TRIOBP: variants seen among roughly 807,000 people sequenced by gnomAD.
TRIOBP encodes the protein TRIO and F-actin-binding protein.
Under a neutral mutation model 238.8 loss-of-function variants are expected in TRIOBP, and 169 were observed. The observed-to-expected ratio is 0.71, with a 90% CI of 0.62 to 0.80. TRIOBP has a LOEUF of 0.80. Ranked by LOEUF, TRIOBP falls within the 30% of genes least tolerant of loss-of-function variation. TRIOBP has a pLI of 0.00. For missense variants in TRIOBP, 2,838 were observed against 3,122.6 expected (o/e 0.91, Z 2.17); for synonymous variants, 1,150 against 1,274.4 (o/e 0.90, Z 2.08).
rs773705031 is a variant in TRIOBP, at chr22:37,757,654, G to A, written c.5729G>A (p.Ser1910Asn). 6.3e-7 allele frequency: 1 copy of A among 1,590,576 alleles called. No individual in the cohort carries two copies. Among genetic ancestry groups the A allele is most frequent in the Non-Finnish European group, 8.5e-7 (1 of 1,170,100 alleles). ...AAGGAGAACGCGCTGCACAGCTACA[G>A]CACCCAGAAGGGCCCCCTGAAGGCA... is the stretch of plus-strand genomic sequence containing the variant. The part of the protein sequence containing the change: ...SNKENALHSY[S>N]TQKGPLKAGE... Residue 1910 changes from serine to asparagine, a missense_variant, in exon 16 of 24, where the codon AGC (serine) becomes AAC (asparagine). Around this residue, in one of 5 missense-constraint regions of TRIOBP, gnomAD observed 2,096 missense variants for 2,137.4 expected, o/e 0.98. Transcript: ENST00000644935.
chr22:37,728,849 T>C (rs894130550), intron 7 of TRIOBP, among the ~76,000 whole-genome samples: 1 of 152,206 alleles, frequency 6.6e-6, no homozygotes, highest in South Asian at 2.1e-4. Context: ...CTTGAATGAA[T>C]GTATGACAAG....
At chr22:37,767,952 G>C (rs1234613023) in intron 18 of TRIOBP, 122 bp from the exon 19 acceptor site, 1 of 786,174 alleles carries the variant, frequency 1.3e-6, no homozygotes, top group African/African-American at 1.7e-5. Context: ...CATAGTACTT[G>C]CATAGTACTA....
rs150218786 is a variant in TRIOBP, at chr22:37,722,307, A to T, written c.629-878A>T. 9.5e-3 allele frequency among the ~76,000 whole-genome samples: 1,445 copies of T among 152,232 alleles called. 22 individuals carry two copies. Among genetic ancestry groups the T allele is most frequent in the African/African-American group, 0.033 (1,390 of 41,516 alleles). ...GCTGGGCATAGTGGTGCATGCCTGT[A>T]ATCCCAACTACTTGGGAGGCTGAGG... On this transcript the variant is annotated intron_variant, in intron 6 of 23. Coordinates refer to ENST00000644935, the MANE Select transcript of TRIOBP (RefSeq NM_001039141.3).
In TRIOBP at chr22:37,757,806, A is replaced by T; in HGVS notation, c.5881A>T (p.Thr1961Ser). The stretch of plus-strand genomic sequence containing the variant: ...CCAGGCTTCCCCGCAGCGGGCCCGC[A>T]CCCCAGCCCGCACTCCTGACCGCCT... ...LTQASPQRARTPARTPDRLAK... is the reference protein window; with the variant it reads ...LTQASPQRARSPARTPDRLAK... The change falls in exon 16 of 24, where the codon ACC becomes TCC. Residue 1961 changes from threonine to serine, a missense_variant. Transcript: ENST00000644935. 6.5e-7 allele frequency: 1 copy of T among 1,547,068 alleles called. No homozygotes were observed.
intron 3 of TRIOBP, among the ~76,000 whole-genome samples, chr22:37,709,287 G>A (rs542794736): frequency 1.3e-5 from 2 of 152,206 alleles, no homozygotes; most frequent in African/African-American, 4.8e-5. Context: ...AGGGTCCCCA[G>A]GGATCCCAGG....
At position 37,768,214 on chromosome 22, in the gene TRIOBP, G is replaced by A; in HGVS notation, c.6575+38G>A. 4 of 1,553,664 alleles carry A rather than the reference G, an allele frequency of 2.6e-6. 1 individual carries two copies. The South Asian group carries it at 4.6e-5, about 18-fold the overall frequency. ...CGGGGCCCAACTGCCCACCCTGATG[G>A]TTATGGGTTGAGGAACTTTGCTGAG... On this transcript the variant is annotated intron_variant, in intron 19 of 23. Coordinates refer to ENST00000644935, the MANE Select transcript of TRIOBP (RefSeq NM_001039141.3).
At chr22:37,746,315 C>A (rs1925258327) in intron 11 of TRIOBP, 2 of 1,005,312 alleles carry the variant, frequency 2.0e-6, no homozygotes, top group East Asian at 6.3e-5. Context: ...CCGAGAGGGG[C>A]GGCGGCGGCG....
chr22:37,769,212 G>A, intron 20 of TRIOBP, 25 bp downstream of exon 20: 1 of 1,591,998 alleles, frequency 6.3e-7, no homozygotes, highest in Non-Finnish European at 8.6e-7. Context: ...AGGTTGGGGG[G>A]ACACGGGTGG....
chr22:37,738,781 T>C (rs1924805113), intron 10 of TRIOBP, 62 bp downstream of exon 10: 2 of 1,543,788 alleles, frequency 1.3e-6, no homozygotes, highest in Non-Finnish European at 1.8e-6. Flanking sequence ...AGGTTGGAGA[T>C]GGGCTTCATT....
rs1351131888 is a variant in TRIOBP, at chr22:37,758,213, A to G, written c.6213+75A>G. On this transcript the variant is annotated intron_variant, in intron 16 of 23. Transcript: ENST00000644935. ...CCAGTCCCTGCATTCATGCCCTGGC[A>G]TTTGTCTTGCACTCCTACAGTGATG... is the stretch of plus-strand genomic sequence containing the variant. The G allele has an allele frequency of 6.4e-6, 10 of 1,572,094 alleles. No individual in the cohort carries two copies. The East Asian group carries it at 2.3e-4, about 36-fold the overall frequency.
intron 11 of TRIOBP, among the ~76,000 whole-genome samples, chr22:37,744,034 C>T (rs1192221602): frequency 3.5e-5 from 5 of 143,336 alleles, no homozygotes; most frequent in Non-Finnish European, 7.5e-5. Flanking sequence ...GATGGAGTCT[C>T]GCTCTGTTGC....
chr22:37,726,015 T>G lies in TRIOBP; in HGVS notation c.3459T>G (p.Ser1153=). ...STESLVPSMD[S]LHECPHIPTP... ...AGAGCCTTGTCCCTTCCATGGACTC[T>G]CTGCACGAGTGCCCCCACATCCCCA... Residue 1153 remains serine, a synonymous_variant, in exon 7 of 24, where the codon TCT becomes TCG. Coordinates refer to ENST00000644935, the MANE Select transcript of TRIOBP (RefSeq NM_001039141.3). 7 of 1,606,614 alleles carry G rather than the reference T, an allele frequency of 4.4e-6. No homozygotes were observed. Among genetic ancestry groups the G allele is most frequent in the South Asian group, 1.1e-5 (1 of 90,468 alleles).
intron 23 of TRIOBP, 50 bp downstream of exon 23, chr22:37,772,814 C>T: frequency 6.3e-7 from 1 of 1,594,892 alleles, no homozygotes; most frequent in South Asian, 1.1e-5. Context: ...CTGAGGCTCT[C>T]CCACACCCGG....
In TRIOBP at chr22:37,726,263, A is replaced by C. The variant is rs1350221097; in HGVS notation, c.3707A>C (p.Asp1236Ala). 2 of 1,606,538 alleles carry C rather than the reference A, an allele frequency of 1.2e-6. No individual in the cohort carries two copies. Among genetic ancestry groups the C allele is most frequent in the Non-Finnish European group, 1.7e-6 (2 of 1,174,464 alleles). ...ASSPPRHPPS[D>A]LAFLAPSPSP... ...TCCCCACCCCGCCACCCACCCAGTG[A>C]CCTAGCGTTCCTGGCACCCTCACCT... Residue 1236 changes from aspartate to alanine, a missense_variant, in exon 7 of 24, where the codon GAC (aspartate) becomes GCC (alanine). By Grantham distance (126) the Asp-to-Ala change is moderately radical. This residue lies in a region of TRIOBP where 2,096 missense variants were observed against 2,137.4 expected (regional missense o/e 0.98). Transcript: ENST00000644935.
At position 37,774,135 on chromosome 22, in the gene TRIOBP, A is replaced by AG. The variant is rs1926929655; in HGVS notation, c.*355_*356insG. ...ACACTTTATACTTTAAAAAAAAAAA[A>AG]AAAAAGCAATTCCTGGTGGCTGTGT... On this transcript the variant is annotated 3_prime_UTR_variant, in exon 24 of 24. Coordinates refer to ENST00000644935, the MANE Select transcript of TRIOBP (RefSeq NM_001039141.3). 2 of 151,982 alleles carry AG rather than the reference A, an allele frequency of 1.3e-5. No homozygotes were observed. Among genetic ancestry groups the AG allele is most frequent in the Non-Finnish European group, 2.9e-5 (2 of 67,892 alleles). 9.4% of individuals were successfully genotyped at this position (151,982 alleles called of 1,614,324 possible).
At chr22:37,711,993 C>T (rs906301471) in intron 4 of TRIOBP, among the ~76,000 whole-genome samples, 3 of 152,074 alleles carry the variant, frequency 2.0e-5, no homozygotes, top group Non-Finnish European at 4.4e-5. Context: ...CTCACATCCT[C>T]GTTAGCCAAG....
chr22:37,763,014 G>T (rs1926317953), intron 17 of TRIOBP, among the ~76,000 whole-genome samples: 1 of 152,074 alleles, frequency 6.6e-6, no homozygotes, highest in Admixed American at 6.5e-5. Flanking sequence ...GGACACCTTG[G>T]GCCACTCAGG....
At position 37,757,884 on chromosome 22, in the gene TRIOBP, C is replaced by T. The variant is rs952207286; in HGVS notation, c.5959C>T (p.Arg1987Cys). The T allele has an allele frequency of 1.8e-5, 28 of 1,553,038 alleles. No homozygotes were observed. The highest frequency in any genetic ancestry group is 1.5e-4 in the South Asian group (13 of 84,338). ...RDLAQRSEER[R>C]KWFEATDSRT... The stretch of plus-strand genomic sequence containing the variant: ...CCTGGCCCAGCGCTCCGAGGAGCGG[C>T]GCAAGTGGTTTGAGGCCACAGACAG... Residue 1987 changes from arginine (R) to cysteine (C), a missense_variant, in exon 16 of 24, where the codon CGC (arginine) becomes TGC (cysteine). This residue lies in a region of TRIOBP where 2,096 missense variants were observed against 2,137.4 expected (regional missense o/e 0.98). Transcript: ENST00000644935.
intron 9 of TRIOBP, among the ~76,000 whole-genome samples, chr22:37,738,416 A>G (rs1386113217): frequency 2.0e-5 from 3 of 152,086 alleles, no homozygotes; most frequent in African/African-American, 7.2e-5. Context: ...TGATGGATCA[A>G]TGGAGGGTAG....
Sources: gnomAD v4.1 joint callset for allele counts (sites outside exome capture counted in the v4.1 genomes callset) on GRCh38, gnomAD v4.1.1 for gene constraint, gnomAD v4.1.1 regional missense constraint, MANE v1.5 for transcripts, NCBI Gene and HGNC (gene_info 2026-07-23, HGNC 2026-07-21) for gene names.